Variants in CDC25A observed in about 807,000 individuals in gnomAD.
CDC25A encodes the protein cell division cycle 25A.
Under a neutral mutation model 64.6 loss-of-function variants are expected in CDC25A, and 17 were observed. The ratio of observed to expected loss-of-function variants is 0.26; its 90% CI spans 0.18 to 0.39. CDC25A has a LOEUF of 0.39. Among genes scored for constraint, CDC25A ranks in the 10% least tolerant of loss-of-function variants. The pLI, the probability that CDC25A is intolerant of heterozygous loss-of-function variation, is 1.00. For missense variants in CDC25A, 473 were observed against 654.8 expected, an observed-to-expected ratio of 0.72 and a Z score of 3.03; for synonymous variants, 229 against 238.6, an observed-to-expected ratio of 0.96 and a Z score of 0.37.
intron 8 of CDC25A, chr3:48,174,681 A>G: frequency 2.5e-6 from 1 of 392,772 alleles, no homozygotes; most frequent in Non-Finnish European, 4.5e-6. Flanking sequence ...GACATTATAT[A>G]GAGATGAGCA....
rs1184223304 is a variant in CDC25A at position 48,165,839 on chromosome 3, G to C, written c.1084C>G (p.Pro362Ala). 1 of 1,609,420 alleles carries C rather than the reference G, an allele frequency of 6.2e-7. No homozygotes were observed. Among genetic ancestry groups the C allele is most frequent in the African/African-American group, 1.3e-5 (1 of 74,808 alleles). The change falls in exon 11 of 15, where the codon CCA (proline) becomes GCA (alanine). Residue 362 changes from proline to alanine, a missense_variant. Pro to Ala is a conservative substitution (Grantham distance 27). Transcript: ENST00000302506. ...GKHQDLKYIS[P>A]EIMASVLNGK... ...CAAAAGGATGGACTTACAATTTCTGGAGAGATGTATTTTAAATCCTGATGT... is the reference window on the plus strand; with the variant it reads ...CAAAAGGATGGACTTACAATTTCTGCAGAGATGTATTTTAAATCCTGATGT...
In CDC25A at chr3:48,180,657, G is replaced by T; in HGVS notation, c.549+64C>A. 6 of 1,566,026 alleles carry T rather than the reference G, an allele frequency of 3.8e-6. No homozygotes were observed. In the East Asian group the frequency reaches 9.0e-5, roughly 24 times the overall value. ...TACTGTAGTGCCTTCAATTCTGGAT[G>T]AAAGAAGGTGTTTTAATCCTTTCTT... On this transcript the variant is annotated intron_variant, in intron 6 of 14. Coordinates refer to ENST00000302506, the MANE Select transcript of CDC25A (RefSeq NM_001789.3).
Position 48,157,229 on chromosome 3 carries a change from C to T in CDC25A, c.*1716G>A, listed in dbSNP as rs537847911. 52 of 152,260 alleles carry T rather than the reference C, an allele frequency of 3.4e-4. No individual in the cohort carries two copies. The highest frequency in any genetic ancestry group is 1.2e-3 in the African/African-American group (48 of 41,550). The allele number at this position is 152,260 out of a possible 1,614,324, so 9.4% of individuals were successfully genotyped here. On this transcript the variant is annotated 3_prime_UTR_variant, in exon 15 of 15. Coordinates refer to ENST00000302506, the MANE Select transcript of CDC25A (RefSeq NM_001789.3). ...AGCTTCCAACAGTTGGTTAGTAATG[C>T]TAGCTAAGCTGGTATAATCTGAAGG... is the stretch of plus-strand genomic sequence containing the variant.
intron 13 of CDC25A, among the ~76,000 whole-genome samples, chr3:48,163,841 CTG>C (rs2031892797): frequency 6.6e-6 from 1 of 152,152 alleles, no homozygotes; most frequent in African/African-American, 2.4e-5. Context: ...TTTTACTGTA[CTG>C]TGTTTTACTG....
chr3:48,177,923 T>C lies in CDC25A; in HGVS notation c.615A>G (p.Ser205=), dbSNP rs777256066. The C allele has an allele frequency of 1.2e-6, 2 of 1,613,644 alleles. No individual in the cohort carries two copies. Among genetic ancestry groups the C allele is most frequent in the Non-Finnish European group, 1.7e-6 (2 of 1,179,814 alleles). ...CATCAGACAAAGTGGCTGTCACAGG[T>C]GACTGGGGTGTAAAAAGAGGAATGA... The part of the protein sequence containing the change: ...GNFIPLFTPQ[S]PVTATLSDED... Residue 205 remains serine (S), a synonymous_variant, in exon 7 of 15, where the codon TCA becomes TCG. Coordinates refer to ENST00000302506, the MANE Select transcript of CDC25A (RefSeq NM_001789.3).
rs1354170369 is a variant in CDC25A at position 48,188,398 on chromosome 3, C to G, written c.-451G>C. ...GGCTGTCGCAGCCAGGCCGGCCTTT[C>G]GCGGTAATAGCGGCTCAGTGGGGCC... On this transcript the variant is annotated 5_prime_UTR_variant, in exon 1 of 15. Coordinates refer to ENST00000302506, the MANE Select transcript of CDC25A (RefSeq NM_001789.3). The G allele has an allele frequency of 1.3e-5, 2 of 157,056 alleles. No homozygotes were observed. The highest frequency in any genetic ancestry group is 2.4e-5 in the African/African-American group (1 of 41,662). The allele number at this position is 157,056 out of a possible 1,614,324, so 9.7% of individuals were successfully genotyped here.
At chr3:48,178,809 T>C (rs2032560333) in intron 6 of CDC25A, among the ~76,000 whole-genome samples, 1 of 152,188 alleles carries the variant, frequency 6.6e-6, no homozygotes. Flanking sequence ...TATAGAAAAT[T>C]TAGAAAAACT....
At chr3:48,184,077 C>T (rs1265027460) in intron 3 of CDC25A, among the ~76,000 whole-genome samples, 2 of 151,990 alleles carry the variant, frequency 1.3e-5, no homozygotes, top group Admixed American at 6.6e-5. Flanking sequence ...TTCGGCTGGG[C>T]GCGGTGGCTC....
rs376412421 is a variant in CDC25A, at chr3:48,164,413, C to T, written c.1216G>A (p.Glu406Lys). The T allele has an allele frequency of 4.9e-5, 78 of 1,593,884 alleles. No homozygotes were observed. Among genetic ancestry groups the T allele is most frequent in the Non-Finnish European group, 6.5e-5 (76 of 1,172,450 alleles). Reference protein sequence around the residue: ...IKGAVNLHMEEEVEDFLLKKP... With the variant: ...IKGAVNLHMEKEVEDFLLKKP... ...TTCAATAAGAAGTCTTCAACCTCTT[C>T]TTCCATGTGCAAGTTCACTGCACCC... is the stretch of plus-strand genomic sequence containing the variant. The change falls in exon 13 of 15, where the codon GAA (glutamate) becomes AAA (lysine). Residue 406 changes from glutamate (E) to lysine (K), a missense_variant. By Grantham distance (56) the Glu-to-Lys change is moderately conservative (BLOSUM62 1). This residue lies in a region of CDC25A where 97 missense variants were observed against 223.0 expected (regional missense o/e 0.43). Coordinates refer to ENST00000302506, the MANE Select transcript of CDC25A (RefSeq NM_001789.3).
intron 5 of CDC25A, chr3:48,181,848 G>A (rs2032682980): frequency 1.8e-6 from 1 of 561,900 alleles, no homozygotes; most frequent in African/African-American, 1.9e-5. Flanking sequence ...TGCCAACACA[G>A]TACTAAGTAC....
At chr3:48,159,277 A>G (rs2031649588) in intron 14 of CDC25A, 67 bp downstream of exon 14, 2 of 1,343,410 alleles carry the variant, frequency 1.5e-6, no homozygotes, top group African/African-American at 1.4e-5. Context: ...CATGACCACC[A>G]GACAGATCCA....
At chr3:48,174,574 A>G (rs2032389538) in intron 8 of CDC25A, 117 bp from the exon 9 acceptor site, 2 of 978,274 alleles carry the variant, frequency 2.0e-6, no homozygotes, top group Non-Finnish European at 3.0e-6. Context: ...AAATTAGCCA[A>G]CAGACACTGC....
At chr3:48,159,662 C>T (rs558196806) in intron 13 of CDC25A, among the ~76,000 whole-genome samples, 1 of 152,278 alleles carries the variant, frequency 6.6e-6, no homozygotes, top group East Asian at 1.9e-4. Context: ...TGGTCTCTTC[C>T]CCAATTTTCC....
At chr3:48,174,735 TCA>T (rs1052049364) in intron 8 of CDC25A, 5 of 241,558 alleles carry the variant, frequency 2.1e-5, no homozygotes, top group Non-Finnish European at 3.9e-5. Context: ...TAATCCTGCG[TCA>T]AGAGAAGTGT....
chr3:48,184,702 G>T lies in CDC25A; in HGVS notation c.248-7C>A. On this transcript the variant is annotated splice_region_variant and splice_polypyrimidine_tract_variant and intron_variant, in intron 2 of 14. Transcript: ENST00000302506. Reference sequence around the variant, plus strand: ...GGAGAATCTAGACAGAAACCTATGGGGAAAAAAAAAACCTCTCAAGAAATA... The same window carrying T: ...GGAGAATCTAGACAGAAACCTATGGTGAAAAAAAAAACCTCTCAAGAAATA... The T allele has an allele frequency of 6.4e-7, 1 of 1,574,504 alleles. No individual in the cohort carries two copies. The highest frequency in any genetic ancestry group is 8.6e-7 in the Non-Finnish European group (1 of 1,164,824).
chr3:48,186,677 G>C (rs756242740), intron 2 of CDC25A, 26 bp downstream of exon 2: 4 of 1,439,740 alleles, frequency 2.8e-6, no homozygotes, highest in Non-Finnish European at 3.9e-6. Context: ...TCAGAGTATT[G>C]CTCCCCACAC....
intron 6 of CDC25A, 59 bp from the exon 7 acceptor site, chr3:48,178,047 A>G (rs3731513): frequency 0.29 from 432,073 of 1,507,646 alleles, 66,063 homozygotes; most frequent in Non-Finnish European, 0.31. Context: ...CATTTCCTTG[A>G]ATGGGTCACT....
intron 9 of CDC25A, among the ~76,000 whole-genome samples, chr3:48,170,612 A>G (rs1448327172): frequency 6.6e-6 from 1 of 152,158 alleles, no homozygotes; most frequent in Admixed American, 6.5e-5. Context: ...GGTTTTAGGG[A>G]GGCTTCATTA....
In CDC25A at chr3:48,167,807, C is replaced by G. The variant is rs189503662; in HGVS notation, c.1029+39G>C. 4.5e-4 allele frequency: 496 copies of G among 1,100,904 alleles called. 2 individuals are homozygous for G. The African/African-American group carries it at 6.8e-3, about 15-fold the overall frequency. The allele number at this position is 1,100,904 out of a possible 1,614,324, so 68.2% of individuals were successfully genotyped here. A position where few individuals can be genotyped will look rare whatever the true frequency, so the allele number is the denominator to read the frequency against. On this transcript the variant is annotated intron_variant, in intron 10 of 14. Transcript: ENST00000302506. Reference sequence around the variant, plus strand: ...GAGTGGGATTCTAAATACCCACACTCCCTCCTACACTTGCCAGAGCAGCTC... The same window carrying G: ...GAGTGGGATTCTAAATACCCACACTGCCTCCTACACTTGCCAGAGCAGCTC...
Sources: allele counts gnomAD v4.1 joint callset (sites outside exome capture counted in the v4.1 genomes callset), GRCh38; gene constraint gnomAD v4.1.1; regional missense constraint gnomAD v4.1.1; transcripts MANE v1.5; gene names NCBI Gene and HGNC (gene_info 2026-07-23, HGNC 2026-07-21).